Variants in SYNE2 observed in about 807,000 individuals in gnomAD.
The protein encoded by SYNE2 is spectrin repeat containing nuclear envelope protein 2, also known as nesprin-2.
A neutral mutation model predicts 856.3 loss-of-function variants in SYNE2; 431 were observed. That is an observed-to-expected ratio of 0.50 (90% CI 0.47 to 0.55). SYNE2 has a LOEUF of 0.55. Ranked by LOEUF, SYNE2 falls within the 20% of genes least tolerant of loss-of-function variation. The pLI is 0.00. For missense variants in SYNE2, 8,129 were observed against 8,023.2 expected, an observed-to-expected ratio of 1.01 and a Z score of -0.50; for synonymous variants, 2,923 against 2,872.3, an observed-to-expected ratio of 1.02 and a Z score of -0.56.
At chr14:64,183,841 G>T (rs1049469780) in intron 96 of SYNE2, among the ~76,000 whole-genome samples, 3 of 151,930 alleles carry the variant, frequency 2.0e-5, no homozygotes, top group Non-Finnish European at 4.4e-5. Flanking sequence ...AGGCAGGGAG[G>T]TTGCAGTGAG....
chr14:63,998,811 C>T (rs1004030268), intron 26 of SYNE2, 103 bp from the exon 27 acceptor site: 1 of 1,335,770 alleles, frequency 7.5e-7, no homozygotes, highest in African/African-American at 1.4e-5. Context: ...AATCCACCCG[C>T]CTTGGCCTCC....
At chr14:63,950,383 G>A (rs75979904) in intron 7 of SYNE2, among the ~76,000 whole-genome samples, 3 of 151,954 alleles carry the variant, frequency 2.0e-5, no homozygotes, top group Non-Finnish European at 4.4e-5. Flanking sequence ...GTGAAACCCC[G>A]TCTCTATGAA....
At position 64,024,371 on chromosome 14, in the gene SYNE2, G is replaced by A. The variant is rs199898588; in HGVS notation, c.5752G>A (p.Val1918Met). Reference sequence around the variant, plus strand: ...TGTGAAGGAGCTTATCAGTTGGCTCGTGGGTCAGGAATTCGAATTAGAAAA... The same window carrying A: ...TGTGAAGGAGCTTATCAGTTGGCTCATGGGTCAGGAATTCGAATTAGAAAA... ...AHVKELISWL[V>M]GQEFELEKME... Residue 1918 changes from valine (V) to methionine (M), a missense_variant, in exon 39 of 116, where the codon GTG becomes ATG. By Grantham distance (21) the Val-to-Met change is conservative. Transcript: ENST00000555002. 6.8e-6 allele frequency: 11 copies of A among 1,614,068 alleles called. No homozygotes were observed. The highest frequency in any genetic ancestry group is 9.3e-6 in the Non-Finnish European group (11 of 1,180,016).
chr14:64,135,034 CTT>C (rs1482339746), intron 78 of SYNE2, among the ~76,000 whole-genome samples: 3 of 152,120 alleles, frequency 2.0e-5, no homozygotes, highest in Non-Finnish European at 2.9e-5. Context: ...TTTTGTGTAA[CTT>C]TTTGCGTTGT....
chr14:63,976,710 A>G lies in SYNE2; in HGVS notation c.1276A>G (p.Lys426Glu). 6.2e-7 allele frequency: 1 copy of G among 1,613,906 alleles called. No homozygotes were observed. Among genetic ancestry groups the G allele is most frequent in the Non-Finnish European group, 8.5e-7 (1 of 1,179,970 alleles). Residue 426 changes from lysine (K) to glutamate (E), a missense_variant, in exon 12 of 116, where the codon AAA (lysine) becomes GAA (glutamate). Lys to Glu is a moderately conservative substitution (Grantham distance 56, BLOSUM62 1). Coordinates refer to ENST00000555002, the MANE Select transcript of SYNE2 (RefSeq NM_182914.3). The stretch of plus-strand genomic sequence containing the variant: ...TCAAGCCGTGACTCTGATACAAGAG[A>G]AAATGACTTTATTCAAGGTTGGAAA... ...HSQAVTLIQEKMTLFKSLMDR... is the reference protein window; with the variant it reads ...HSQAVTLIQEEMTLFKSLMDR...
At chr14:63,907,229 G>C (rs1033471616) in intron 1 of SYNE2, among the ~76,000 whole-genome samples, 4 of 152,192 alleles carry the variant, frequency 2.6e-5, no homozygotes, top group African/African-American at 9.7e-5. Context: ...TGAATCTCTT[G>C]AGAGTGGCAT....
At chr14:63,930,318 A>G (rs2095732989) in intron 2 of SYNE2, among the ~76,000 whole-genome samples, 1 of 151,474 alleles carries the variant, frequency 6.6e-6, no homozygotes, top group South Asian at 2.1e-4. Context: ...AGATGGTTGT[A>G]CAGCTTTGTG....
chr14:63,826,769 G>T (rs958777551), intron 1 of SYNE2, among the ~76,000 whole-genome samples: 3 of 151,992 alleles, frequency 2.0e-5, no homozygotes, highest in Non-Finnish European at 4.4e-5. Flanking sequence ...AAATCTAGGG[G>T]GATATCTTTG....
intron 61 of SYNE2, among the ~76,000 whole-genome samples, chr14:64,094,160 G>T (rs2097656336): frequency 6.6e-6 from 1 of 151,772 alleles, no homozygotes; most frequent in Non-Finnish European, 1.5e-5. Flanking sequence ...GTGAAACCCT[G>T]TCTCTACTAA....
chr14:64,063,036 T>C, intron 50 of SYNE2, 141 bp downstream of exon 50: 2 of 1,028,890 alleles, frequency 1.9e-6, no homozygotes, highest in Non-Finnish European at 3.0e-6. Flanking sequence ...ATTCCTCAAA[T>C]CGAAAGCCAG....
intron 1 of SYNE2, among the ~76,000 whole-genome samples, chr14:63,811,372 A>T (rs549857724): frequency 2.0e-5 from 3 of 151,588 alleles, no homozygotes; most frequent in Non-Finnish European, 2.9e-5. Context: ...CCCTCTGCCT[A>T]AGCCTCCTGA....
chr14:64,073,216 A>G (rs2097426847), intron 52 of SYNE2, among the ~76,000 whole-genome samples: 1 of 152,140 alleles, frequency 6.6e-6, no homozygotes, highest in South Asian at 2.1e-4. Flanking sequence ...TGGTACTGAA[A>G]GTTCCAACCT....
In SYNE2 at chr14:64,223,610, C is replaced by CT. The variant is rs148658717; in HGVS notation, c.20382+237dup. 0.26 allele frequency among the ~76,000 whole-genome samples: 39,815 copies of CT among 151,528 alleles called. 5,426 individuals are homozygous for CT. The highest frequency in any genetic ancestry group is 0.36 in the Middle Eastern group (104 of 288). ...GAGTGGCGGGATGACAATTTTTAAA[C>CT]TTTTTTTAAAGGAAGTGGCTAATTT... On this transcript the variant is annotated intron_variant, in intron 113 of 115. Coordinates refer to ENST00000555002, the MANE Select transcript of SYNE2 (RefSeq NM_182914.3).
chr14:64,107,234 T>G (rs1262581729), intron 64 of SYNE2, among the ~76,000 whole-genome samples: 3 of 152,200 alleles, frequency 2.0e-5, no homozygotes, highest in African/African-American at 7.2e-5. Context: ...AGAATTTACT[T>G]AAGTACGTAA....
intron 6 of SYNE2, 46 bp downstream of exon 6, chr14:63,942,189 A>G (rs1388198413): frequency 8.6e-7 from 1 of 1,163,034 alleles, no homozygotes; most frequent in East Asian, 2.3e-5. Context: ...CTACCACAGT[A>G]TAAAATAAAT....
chr14:64,091,878 G>A (rs1459710455), intron 60 of SYNE2, among the ~76,000 whole-genome samples: 1 of 151,964 alleles, frequency 6.6e-6, no homozygotes. Flanking sequence ...TTTCATGACC[G>A]CCTTCTGGTT....
chr14:63,794,555 C>T (rs1413530669), intron 1 of SYNE2, among the ~76,000 whole-genome samples: 1 of 152,062 alleles, frequency 6.6e-6, no homozygotes, highest in Non-Finnish European at 1.5e-5. Context: ...GAAAATCTTA[C>T]AACTCATTAA....
At position 63,791,599 on chromosome 14, in the gene SYNE2, A is replaced by G. The variant is rs536638242; in HGVS notation, c.-305+29613A>G. On this transcript the variant is annotated intron_variant, in intron 1 of 23. Coordinates refer to the SYNE2 transcript ENST00000674003. ...TTAGCATTAGCCTGAAGTAACTGTG[A>G]TAAAGAAGCATACTGCAATCCCTAT... is the stretch of plus-strand genomic sequence containing the variant. 9.8e-5 allele frequency among the ~76,000 whole-genome samples: 15 copies of G among 152,314 alleles called. No homozygotes were observed. The South Asian group carries it at 3.1e-3, about 32-fold the overall frequency.
chr14:64,129,492 A>G (rs1383210401), intron 74 of SYNE2, among the ~76,000 whole-genome samples: 1 of 152,176 alleles, frequency 6.6e-6, no homozygotes. Context: ...ACCAATGTGA[A>G]GAGATGCTGA....
Sources: gnomAD v4.1 joint callset for allele counts (sites outside exome capture counted in the v4.1 genomes callset) on GRCh38, gnomAD v4.1.1 for gene constraint, MANE v1.5 for transcripts, NCBI Gene and HGNC (gene_info 2026-07-23, HGNC 2026-07-21) for gene names.